PRKACB: variants seen among roughly 807,000 people sequenced by gnomAD.
PRKACB encodes the protein cAMP-dependent protein kinase catalytic subunit beta.
PRKACB carries 16 observed loss-of-function variants against 51.4 expected under a neutral mutation model. The observed-to-expected ratio is 0.31, with a 90% CI of 0.21 to 0.47. PRKACB has a LOEUF of 0.47. Ranked by LOEUF, PRKACB falls within the 20% of genes least tolerant of loss-of-function variation. PRKACB has a pLI of 1.00. For synonymous variants in PRKACB, 147 were observed against 154.4 expected, an observed-to-expected ratio of 0.95 and a Z score of 0.35; for missense variants, 309 against 464.5, an observed-to-expected ratio of 0.67 and a Z score of 3.08.
chr1:84,127,791 T>C (rs1396500485), intron 1 of PRKACB, among the ~76,000 whole-genome samples: 1 of 152,070 alleles, frequency 6.6e-6, no homozygotes, highest in African/African-American at 2.4e-5. Flanking sequence ...ATTTTACTTC[T>C]AGTGAATATA....
chr1:84,141,842 G>T (rs1653448583), upstream of PRKACB, among the ~76,000 whole-genome samples: 2 of 152,072 alleles, frequency 1.3e-5, no homozygotes, highest in Admixed American at 6.5e-5. Context: ...TGTCAGAGAG[G>T]TGAATGATTA....
chr1:84,200,517 G>C (rs1212836736), intron 7 of PRKACB, among the ~76,000 whole-genome samples: 1 of 152,140 alleles, frequency 6.6e-6, no homozygotes, highest in African/African-American at 2.4e-5. Flanking sequence ...GTTTGCTTTT[G>C]TTGGAATTGC....
intron 1 of PRKACB, among the ~76,000 whole-genome samples, chr1:84,106,130 C>G (rs1184973780): frequency 6.6e-6 from 1 of 152,172 alleles, no homozygotes; most frequent in East Asian, 1.9e-4. Flanking sequence ...CTTGAGCATT[C>G]ATGTATTTTG....
At chr1:84,204,607 G>A in intron 8 of PRKACB, 2 of 1,290,944 alleles carry the variant, frequency 1.5e-6, no homozygotes, top group South Asian at 2.2e-5. Context: ...AATGATGAGA[G>A]AACCAAAATA....
At chr1:84,102,884 T>G (rs1251655985) in intron 1 of PRKACB, among the ~76,000 whole-genome samples, 1 of 152,000 alleles carries the variant, frequency 6.6e-6, no homozygotes, top group Non-Finnish European at 1.5e-5. Context: ...GATGAGGGAG[T>G]GTTTATACCT....
chr1:84,114,946 AT>A (rs1347129982), intron 1 of PRKACB, among the ~76,000 whole-genome samples: 1 of 152,190 alleles, frequency 6.6e-6, no homozygotes, highest in Non-Finnish European at 1.5e-5. Context: ...ACTGGTGAAC[AT>A]TTAGTTTGAT....
At chr1:84,129,300 TAAA>T (rs1359199295) in intron 1 of PRKACB, among the ~76,000 whole-genome samples, 6 of 152,094 alleles carry the variant, frequency 3.9e-5, no homozygotes, top group Non-Finnish European at 8.8e-5. Flanking sequence ...AGTTCAAGGA[TAAA>T]AAACATGGAG....
At chr1:84,156,431 G>T (rs1004945323) in intron 1 of PRKACB, among the ~76,000 whole-genome samples, 19 of 152,262 alleles carry the variant, frequency 1.2e-4, no homozygotes, top group South Asian at 8.3e-4. Flanking sequence ...GGTTCTTAAT[G>T]ACAGGATGAT....
chr1:84,186,787 C>T (rs1665248718), intron 5 of PRKACB, among the ~76,000 whole-genome samples: 1 of 152,012 alleles, frequency 6.6e-6, no homozygotes, highest in Admixed American at 6.6e-5. Flanking sequence ...TATGTAGGGA[C>T]CTGGGCCACA....
intron 1 of PRKACB, among the ~76,000 whole-genome samples, chr1:84,108,801 T>A (rs1234083579): frequency 6.6e-6 from 1 of 152,080 alleles, no homozygotes; most frequent in Non-Finnish European, 1.5e-5. Flanking sequence ...AATTTGCTTT[T>A]TTCATTTTTG....
intron 1 of PRKACB, among the ~76,000 whole-genome samples, chr1:84,097,236 A>G (rs370174844): frequency 1.3e-5 from 2 of 151,946 alleles, no homozygotes; most frequent in East Asian, 3.9e-4. Flanking sequence ...ACACACCTAT[A>G]CTCATTTCTG....
intron 7 of PRKACB, among the ~76,000 whole-genome samples, chr1:84,200,155 A>G (rs987551083): frequency 6.6e-5 from 10 of 151,538 alleles, no homozygotes; most frequent in Non-Finnish European, 5.9e-5. Flanking sequence ...CCATTTTTTT[A>G]CTTTTTAGTA....
intron 1 of PRKACB, among the ~76,000 whole-genome samples, chr1:84,135,169 A>G (rs964551227): frequency 5.3e-5 from 8 of 152,040 alleles, no homozygotes; most frequent in African/African-American, 1.7e-4. Flanking sequence ...AACATCAGGG[A>G]TTTAAAAAGG....
chr1:84,125,668 T>C (rs1353365522), intron 1 of PRKACB, among the ~76,000 whole-genome samples: 2 of 152,186 alleles, frequency 1.3e-5, no homozygotes, highest in African/African-American at 4.8e-5. Context: ...ACTTAATAGT[T>C]AAAGAAAATT....
intron 1 of PRKACB, among the ~76,000 whole-genome samples, chr1:84,102,319 G>A (rs955261962): frequency 4.6e-5 from 7 of 152,048 alleles, no homozygotes; most frequent in African/African-American, 1.7e-4. Flanking sequence ...TCTGGGAGGC[G>A]GAGGTTGTAG....
intron 1 of PRKACB, among the ~76,000 whole-genome samples, chr1:84,083,054 GAAATA>G (rs1276139311): frequency 6.6e-6 from 1 of 152,100 alleles, no homozygotes; most frequent in Admixed American, 6.5e-5. Flanking sequence ...GGCTGTACTA[GAAATA>G]AAATTTTGTG....
chr1:84,185,295 T>C lies in PRKACB; in HGVS notation c.560+113T>C. The C allele has an allele frequency of 2.3e-5, 16 of 685,202 alleles. 1 individual carries two copies. The South Asian group carries it at 3.0e-4, about 13-fold the overall frequency. The allele number at this position is 685,202 out of a possible 1,614,324, so 42.4% of individuals were successfully genotyped here. A position where few individuals can be genotyped will look rare whatever the true frequency, so the allele number is the denominator to read the frequency against. Reference sequence around the variant, plus strand: ...TTTTGTTTGATTAATATTTTGGCCATATGAAGCATTAGGTGGAAACAAAGA... The same window carrying C: ...TTTTGTTTGATTAATATTTTGGCCACATGAAGCATTAGGTGGAAACAAAGA... On this transcript the variant is annotated intron_variant, in intron 5 of 9. Transcript: ENST00000370685.
intron 1 of PRKACB, among the ~76,000 whole-genome samples, chr1:84,158,817 G>A (rs1427553098): frequency 6.6e-6 from 1 of 152,020 alleles, no homozygotes; most frequent in Non-Finnish European, 1.5e-5. Flanking sequence ...TTTTATATAT[G>A]TTGTGAAGTA....
chr1:84,175,559 G>C (rs540565984), intron 1 of PRKACB, among the ~76,000 whole-genome samples: 1 of 151,612 alleles, frequency 6.6e-6, no homozygotes, highest in Admixed American at 6.6e-5. Context: ...GAATTATATG[G>C]GATGAAGTTA....
Sources: allele counts gnomAD v4.1 joint callset (sites outside exome capture counted in the v4.1 genomes callset), GRCh38; gene constraint gnomAD v4.1.1; transcripts MANE v1.5; gene names NCBI Gene and HGNC (gene_info 2026-07-23, HGNC 2026-07-21).